Variants in VCAN observed in about 807,000 individuals in gnomAD.
VCAN encodes versican.
In VCAN, 44 loss-of-function variants were observed where a neutral mutation model predicts 245.5. The observed-to-expected ratio is 0.18, with a 90% CI of 0.14 to 0.23. The LOEUF is 0.23. Ranked by LOEUF, VCAN falls within the 10% of genes least tolerant of loss-of-function variation. The probability of loss-of-function intolerance (pLI) is 1.00; values close to 1 mark genes in which losing one functional copy is unlikely to be tolerated. For missense variants in VCAN, 3,793 were observed against 4,057.9 expected, an observed-to-expected ratio of 0.93 and a Z score of 1.77; for synonymous variants, 1,413 against 1,437.0, an observed-to-expected ratio of 0.98 and a Z score of 0.38.
chr5:83,473,998 T>G (rs1335605598), intron 1 of VCAN, among the ~76,000 whole-genome samples: 1 of 152,050 alleles, frequency 6.6e-6, no homozygotes, highest in East Asian at 1.9e-4. Flanking sequence ...CGAACGCACA[T>G]GGCCAGGGTG....
Position 83,537,075 on chromosome 5 carries a change from A to G in VCAN, c.4072A>G (p.Ser1358Gly), listed in dbSNP as rs142339468. ...AGAATCTAAAGAAGATGAACCTTGT[A>G]GTGAAGAAACAGATCCAGTGCATGA... ...DSESKEDEPC[S>G]EETDPVHDLM... The change falls in exon 8 of 15, where the codon AGT (serine) becomes GGT (glycine). Residue 1358 changes from serine to glycine, a missense_variant. Transcript: ENST00000265077. 193 of 1,613,718 alleles carry G rather than the reference A, an allele frequency of 1.2e-4. 1 individual carries two copies. Among genetic ancestry groups the G allele is most frequent in the Non-Finnish European group, 1.6e-4 (186 of 1,179,798 alleles).
chr5:83,538,458 G>A lies in VCAN; in HGVS notation c.5455G>A (p.Glu1819Lys). The A allele has an allele frequency of 6.2e-7, 1 of 1,613,968 alleles. No individual in the cohort carries two copies. Among genetic ancestry groups the A allele is most frequent in the Non-Finnish European group, 8.5e-7 (1 of 1,179,954 alleles). Residue 1819 changes from glutamate (E) to lysine (K), a missense_variant, in exon 8 of 15, where the codon GAA becomes AAA. Coordinates refer to ENST00000265077, the MANE Select transcript of VCAN (RefSeq NM_004385.5). The part of the protein sequence containing the change: ...HSSIHQPGVQ[E>K]GLTTLPRSPA... ...CAGTATCCATCAACCTGGGGTTCAG[G>A]AAGGGCTGACCACTCTCCCACGTAG...
chr5:83,500,201 A>AC (rs1465893838), intron 5 of VCAN, among the ~76,000 whole-genome samples: 1 of 152,210 alleles, frequency 6.6e-6, no homozygotes, highest in Non-Finnish European at 1.5e-5. Flanking sequence ...CCTCTTGCAC[A>AC]CTATGATTCC....
At position 83,490,415 on chromosome 5, in the gene VCAN, T is replaced by A; in HGVS notation, c.388T>A (p.Cys130Ser). ...LLASDAGLYR[C>S]DVMYGIEDTQ... ...GGCAAGTGATGCGGGTCTTTACCGCTGTGACGTCATGTACGGGATTGAAGA... is the reference window on the plus strand; with the variant it reads ...GGCAAGTGATGCGGGTCTTTACCGCAGTGACGTCATGTACGGGATTGAAGA... Residue 130 changes from cysteine (C) to serine (S), a missense_variant, in exon 3 of 15, where the codon TGT becomes AGT. Cys to Ser is a moderately radical substitution (Grantham distance 112). Around this residue, in one of 5 missense-constraint regions of VCAN, gnomAD observed 179 missense variants for 169.7 expected, o/e 1.05. Transcript: ENST00000265077. 1 of 1,614,202 alleles carries A rather than the reference T, an allele frequency of 6.2e-7. No homozygotes were observed. Among genetic ancestry groups the A allele is most frequent in the Non-Finnish European group, 8.5e-7 (1 of 1,180,040 alleles).
intron 13 of VCAN, among the ~76,000 whole-genome samples, chr5:83,578,938 A>G (rs2112509037): frequency 6.6e-6 from 1 of 152,240 alleles, no homozygotes; most frequent in African/African-American, 2.4e-5. Flanking sequence ...AATTAAATCA[A>G]TTTTCCAAGC....
chr5:83,505,793 G>T (rs1745465128), intron 5 of VCAN, among the ~76,000 whole-genome samples: 1 of 152,178 alleles, frequency 6.6e-6, no homozygotes, highest in Non-Finnish European at 1.5e-5. Flanking sequence ...CACCCCTACA[G>T]CAAACTTCTG....
chr5:83,519,967 A>G lies in VCAN; in HGVS notation c.1661A>G (p.Glu554Gly). The change falls in exon 7 of 15, where the codon GAA becomes GGA. Residue 554 changes from glutamate (E) to glycine (G), a missense_variant. By Grantham distance (98) the Glu-to-Gly change is moderately conservative. Transcript: ENST00000265077. ...TTGHYGFTLG[E>G]EDDEDRTLTV... The stretch of plus-strand genomic sequence containing the variant: ...GGTCACTATGGATTCACCTTGGGAG[A>G]AGAGGATGATGAAGACAGAACACTT... 6.2e-7 allele frequency: 1 copy of G among 1,614,084 alleles called. No homozygotes were observed. The highest frequency in any genetic ancestry group is 1.1e-5 in the South Asian group (1 of 91,080).
intron 12 of VCAN, among the ~76,000 whole-genome samples, chr5:83,555,392 T>A (rs990348037): frequency 1.3e-5 from 2 of 152,182 alleles, no homozygotes; most frequent in Non-Finnish European, 2.9e-5. Context: ...AAAGTCATTT[T>A]AAAAAAATAC....
chr5:83,520,723 A>T lies in VCAN; in HGVS notation c.2417A>T (p.Asp806Val), dbSNP rs1746054669. The change falls in exon 7 of 15, where the codon GAT becomes GTT. Residue 806 changes from aspartate (D) to valine (V), a missense_variant. Transcript: ENST00000265077. ...GCCACTGTATCAAAATGGTCATGGG[A>T]TGAAGATAATACAACATCCAAGCCT... ...EAATVSKWSWDEDNTTSKPLE... is the reference protein window; with the variant it reads ...EAATVSKWSWVEDNTTSKPLE... The T allele has an allele frequency of 1.9e-6, 3 of 1,614,148 alleles. No individual in the cohort carries two copies. Among genetic ancestry groups the T allele is most frequent in the Non-Finnish European group, 2.5e-6 (3 of 1,179,984 alleles).
At position 83,522,166 on chromosome 5, in the gene VCAN, C is replaced by T. The variant is rs1746133328; in HGVS notation, c.3860C>T (p.Ala1287Val). ...REYFTTSSPP[A>V]TQPTRPPTVE... is the part of the protein sequence containing the mutation. ...TATTTCACGACTTCAAGTCCTCCTG[C>T]TACACAGCCAACAAGACCACCCACT... The change falls in exon 7 of 15, where the codon GCT (alanine) becomes GTT (valine). Residue 1287 changes from alanine (A) to valine (V), a missense_variant. Around this residue, in one of 5 missense-constraint regions of VCAN, gnomAD observed 3,182 missense variants for 3,250.3 expected, o/e 0.98. Coordinates refer to ENST00000265077, the MANE Select transcript of VCAN (RefSeq NM_004385.5). The T allele has an allele frequency of 3.1e-6, 5 of 1,610,174 alleles. No homozygotes were observed. Among genetic ancestry groups the T allele is most frequent in the Non-Finnish European group, 4.2e-6 (5 of 1,179,996 alleles).
chr5:83,539,908 A>G lies in VCAN; in HGVS notation c.6905A>G (p.Asn2302Ser). The part of the protein sequence containing the change: ...STSSDKIEDF[N>S]RMENVAKEVG... ...TCAAGTGACAAAATTGAAGACTTTA[A>G]CAGAATGGAAAATGTGGCAAAAGAA... The change falls in exon 8 of 15, where the codon AAC becomes AGC. Residue 2302 changes from asparagine (N) to serine (S), a missense_variant. Transcript: ENST00000265077. 1 of 1,614,112 alleles carries G rather than the reference A, an allele frequency of 6.2e-7. No individual in the cohort carries two copies. Among genetic ancestry groups the G allele is most frequent in the Non-Finnish European group, 8.5e-7 (1 of 1,179,982 alleles).
chr5:83,536,724 G>A (rs1043323318), intron 7 of VCAN: 1 of 248,124 alleles, frequency 4.0e-6, no homozygotes, highest in African/African-American at 2.2e-5. Flanking sequence ...TTGTATATGT[G>A]ATTCCTTGCT....
Position 83,521,975 on chromosome 5 carries a change from C to G in VCAN, c.3669C>G (p.Phe1223Leu). ...SVDRLHTTSA[F>L]KPSSAITKKP... ...ACAGACTTCACACAACTTCAGCATT[C>G]AAGCCATCTTCCGCGATCACTAAGA... The change falls in exon 7 of 15, where the codon TTC (phenylalanine) becomes TTG (leucine). Residue 1223 changes from phenylalanine to leucine, a missense_variant. By Grantham distance (22) the Phe-to-Leu change is conservative. Transcript: ENST00000265077. 1 of 1,614,198 alleles carries G rather than the reference C, an allele frequency of 6.2e-7. No homozygotes were observed. The highest frequency in any genetic ancestry group is 8.5e-7 in the Non-Finnish European group (1 of 1,180,024).
chr5:83,479,133 GAGAA>G (rs1371243476), intron 1 of VCAN, among the ~76,000 whole-genome samples: 2 of 152,108 alleles, frequency 1.3e-5, no homozygotes, highest in Non-Finnish European at 2.9e-5. Flanking sequence ...TTCTTTCTGT[GAGAA>G]AGAACCAGTG....
chr5:83,478,191 C>A (rs564134996), intron 1 of VCAN, among the ~76,000 whole-genome samples: 2 of 152,036 alleles, frequency 1.3e-5, no homozygotes, highest in African/African-American at 4.8e-5. Context: ...AGTGATTCAC[C>A]CACCTCAGCC....
Position 83,473,571 on chromosome 5 carries a change from G to A in VCAN, c.-7+1548G>A, listed in dbSNP as rs181717316. ...CCCACAGCTGACAAATGAATGGCTA[G>A]TGTGAAATCCCTGCCTTTCCCGTGC... On this transcript the variant is annotated intron_variant, in intron 1 of 14. Transcript: ENST00000265077. 1.0e-3 allele frequency among the ~76,000 whole-genome samples: 158 copies of A among 152,278 alleles called. 1 individual carries two copies. Among genetic ancestry groups the A allele is most frequent in the Non-Finnish European group, 2.0e-3 (133 of 68,022 alleles).
chr5:83,489,109 T>G (rs997616580), intron 2 of VCAN, among the ~76,000 whole-genome samples: 1 of 149,650 alleles, frequency 6.7e-6, no homozygotes, highest in African/African-American at 2.5e-5. Context: ...GTGTTAGATA[T>G]ACATCATTTT....
At chr5:83,578,741 T>C (rs1748563629) in intron 13 of VCAN, among the ~76,000 whole-genome samples, 1 of 152,170 alleles carries the variant, frequency 6.6e-6, no homozygotes, top group African/African-American at 2.4e-5. Flanking sequence ...TGGCATGTTT[T>C]TGTGGGCCTG....
At chr5:83,563,639 A>T (rs1259096771) in intron 12 of VCAN, among the ~76,000 whole-genome samples, 1 of 152,116 alleles carries the variant, frequency 6.6e-6, no homozygotes, top group East Asian at 1.9e-4. Context: ...TTGCTTTCCT[A>T]CTTCGGTGGT....
Sources: allele counts gnomAD v4.1 joint callset (sites outside exome capture counted in the v4.1 genomes callset), GRCh38; gene constraint gnomAD v4.1.1; regional missense constraint gnomAD v4.1.1; transcripts MANE v1.5; gene names NCBI Gene and HGNC (gene_info 2026-07-23, HGNC 2026-07-21).